Variants in PCDHA13 observed in about 807,000 individuals in gnomAD.
PCDHA13 encodes protocadherin alpha 13, also known as protocadherin alpha-13.
A neutral mutation model predicts 64.8 loss-of-function variants in PCDHA13; 54 were observed. The observed-to-expected ratio is 0.83, with a 90% CI of 0.67 to 1.04. PCDHA13 has a LOEUF of 1.04. Among genes scored for constraint, PCDHA13 ranks in the 50% least tolerant of loss-of-function variants. PCDHA13 has a pLI of 0.00. For missense variants in PCDHA13, 1,248 were observed against 1,254.3 expected (o/e 0.99, Z 0.08); for synonymous variants, 587 against 564.4 (o/e 1.04, Z -0.57).
chr5:140,961,338 G>C (rs1554225370), intron 1 of PCDHA13, among the ~76,000 whole-genome samples: 1 of 152,170 alleles, frequency 6.6e-6, no homozygotes, highest in Non-Finnish European at 1.5e-5. Flanking sequence ...GAGACCAAGA[G>C]TGGATCCCTG....
chr5:140,972,316 GT>G (rs112435719), intron 1 of PCDHA13, among the ~76,000 whole-genome samples: 1,932 of 139,568 alleles, frequency 0.014, 18 homozygotes, highest in African/African-American at 0.036. Context: ...GTTTTTAGGT[GT>G]TTTTTTTTTT....
At chr5:140,967,548 C>T (rs782750678) in intron 1 of PCDHA13, 15 of 1,613,922 alleles carry the variant, frequency 9.3e-6, no homozygotes, top group Non-Finnish European at 1.3e-5. Context: ...GACCAGTCCA[C>T]TTATCGCGTC....
At chr5:140,903,403 C>T (rs2070268499) in intron 1 of PCDHA13, among the ~76,000 whole-genome samples, 1 of 152,156 alleles carries the variant, frequency 6.6e-6, no homozygotes, top group Non-Finnish European at 1.5e-5. Flanking sequence ...AACAGTAGTG[C>T]AGTCAGGAAA....
At chr5:140,928,555 A>T in intron 1 of PCDHA13, 1 of 1,614,240 alleles carries the variant, frequency 6.2e-7, no homozygotes, top group South Asian at 1.1e-5. Flanking sequence ...TTATCCGGTT[A>T]TCTTGTTTCC....
chr5:140,950,581 C>T (rs1158445917), intron 1 of PCDHA13, among the ~76,000 whole-genome samples: 2 of 151,860 alleles, frequency 1.3e-5, no homozygotes, highest in Non-Finnish European at 2.9e-5. Flanking sequence ...TTCTACTTAC[C>T]TTTGGTTTAG....
At chr5:140,904,199 C>A (rs2070936424) in intron 1 of PCDHA13, among the ~76,000 whole-genome samples, 1 of 151,944 alleles carries the variant, frequency 6.6e-6, no homozygotes, top group Non-Finnish European at 1.5e-5. Flanking sequence ...CCCTTTCCCC[C>A]TAAGTCCCCA....
chr5:140,927,530 GC>G, intron 1 of PCDHA13: 1 of 1,614,080 alleles, frequency 6.2e-7, no homozygotes, highest in Non-Finnish European at 8.5e-7. Flanking sequence ...CTACCTGCCC[GC>G]TCAGGAGACG....
chr5:141,000,780 A>G (rs2097963386), intron 3 of PCDHA13, among the ~76,000 whole-genome samples: 1 of 151,780 alleles, frequency 6.6e-6, no homozygotes, highest in Admixed American at 6.6e-5. Context: ...AGTGGCGCAC[A>G]CCTGTATTCC....
chr5:140,950,526 T>C (rs190195358), intron 1 of PCDHA13, among the ~76,000 whole-genome samples: 17 of 152,212 alleles, frequency 1.1e-4, no homozygotes, highest in Admixed American at 9.2e-4. Flanking sequence ...GATATGATTG[T>C]TTTTGTTGCT....
intron 1 of PCDHA13, among the ~76,000 whole-genome samples, chr5:140,936,053 C>A (rs576745037): frequency 1.3e-5 from 2 of 151,934 alleles, no homozygotes; most frequent in African/African-American, 4.8e-5. Context: ...CCACCACACC[C>A]GGCTAATTTT....
intron 1 of PCDHA13, among the ~76,000 whole-genome samples, chr5:140,913,101 T>C (rs1352707377): frequency 5.9e-5 from 9 of 152,200 alleles, no homozygotes; most frequent in Non-Finnish European, 1.0e-4. Flanking sequence ...ACTGGCCTCA[T>C]AGAATCAGTT....
In PCDHA13 at chr5:140,883,966, G is replaced by A; in HGVS notation, c.1698G>A (p.Leu566=). The change falls in exon 1 of 4, where the codon CTG becomes CTA. Residue 566 remains leucine (L), a synonymous_variant. Transcript: ENST00000289272. Reference sequence around the variant, plus strand: ...AGAACGACAACGCTCCGGCGCTGCTGACGCCCGGGGCTGGCAGCGCGGGAG... The same window carrying A: ...AGAACGACAACGCTCCGGCGCTGCTAACGCCCGGGGCTGGCAGCGCGGGAG... ...LDENDNAPAL[L]TPGAGSAGGT... 6.2e-7 allele frequency: 1 copy of A among 1,613,094 alleles called. No homozygotes were observed.
intron 1 of PCDHA13, among the ~76,000 whole-genome samples, chr5:140,971,333 G>A (rs1015985935): frequency 6.6e-6 from 1 of 152,194 alleles, no homozygotes. Context: ...AATTATTTCA[G>A]AAAGTGCTTG....
At chr5:140,916,776 C>A (rs2153540006) in intron 1 of PCDHA13, among the ~76,000 whole-genome samples, 1 of 152,308 alleles carries the variant, frequency 6.6e-6, no homozygotes. Context: ...CACAAGCACT[C>A]CCTTAGCTGC....
intron 1 of PCDHA13, among the ~76,000 whole-genome samples, chr5:140,974,521 G>GT (rs1223492348): frequency 3.0e-4 from 45 of 152,208 alleles, no homozygotes; most frequent in African/African-American, 1.0e-3. Flanking sequence ...TTTTATTTTA[G>GT]TTTTTTTGAG....
chr5:140,921,630 A>G lies in PCDHA13; in HGVS notation c.2394+36968A>G, dbSNP rs554698507. ...AGAAAAATATCATCAGATCATCATTATGGTAGCTATTTTAAGGGAACTTAA... is the reference window on the plus strand; with the variant it reads ...AGAAAAATATCATCAGATCATCATTGTGGTAGCTATTTTAAGGGAACTTAA... On this transcript the variant is annotated intron_variant, in intron 1 of 3. Coordinates refer to ENST00000289272, the MANE Select transcript of PCDHA13 (RefSeq NM_018904.3). Among the ~76,000 whole-genome samples, 4 of 152,344 alleles carry G rather than the reference A, an allele frequency of 2.6e-5. No homozygotes were observed. The South Asian group carries it at 8.3e-4, about 32-fold the overall frequency.
intron 1 of PCDHA13, among the ~76,000 whole-genome samples, chr5:140,931,212 T>A (rs556351535): frequency 3.5e-4 from 54 of 152,168 alleles, no homozygotes; most frequent in Non-Finnish European, 3.5e-4. Context: ...GTATTTCAGG[T>A]ATCAGAGCAC....
At chr5:140,977,023 G>T (rs1554238168) in intron 1 of PCDHA13, among the ~76,000 whole-genome samples, 1 of 152,148 alleles carries the variant, frequency 6.6e-6, no homozygotes, top group Non-Finnish European at 1.5e-5. Flanking sequence ...TCTGTCAAAT[G>T]AATCTAAGAA....
intron 1 of PCDHA13, among the ~76,000 whole-genome samples, chr5:140,945,017 T>C (rs1563211481): frequency 6.6e-6 from 1 of 152,172 alleles, no homozygotes; most frequent in Non-Finnish European, 1.5e-5. Context: ...AATTATTTTT[T>C]ACTCAGACAT....
Sources: allele counts gnomAD v4.1 joint callset (sites outside exome capture counted in the v4.1 genomes callset), GRCh38; gene constraint gnomAD v4.1.1; transcripts MANE v1.5; gene names NCBI Gene and HGNC (gene_info 2026-07-23, HGNC 2026-07-21).